Variants in TMEM43 observed in about 807,000 individuals in gnomAD.
TMEM43 encodes transmembrane protein 43.
TMEM43 carries 45 observed loss-of-function variants against 49.6 expected under a neutral mutation model. The observed-to-expected ratio is 0.91, with a 90% CI of 0.71 to 1.16. The LOEUF (loss-of-function observed/expected upper bound fraction) is 1.16. Among genes scored for constraint, TMEM43 ranks in the 50% most tolerant of loss-of-function variants. The pLI, the probability that TMEM43 is intolerant of heterozygous loss-of-function variation, is 0.00. For synonymous variants in TMEM43, 199 were observed against 207.8 expected, an observed-to-expected ratio of 0.96 and a Z score of 0.36; for missense variants, 532 against 516.6, an observed-to-expected ratio of 1.03 and a Z score of -0.29.
At position 14,141,634 on chromosome 3, in the gene TMEM43, C is replaced by G. The variant is rs769793469; in HGVS notation, c.1042C>G (p.Leu348Val). 7.4e-6 allele frequency: 12 copies of G among 1,614,090 alleles called. No homozygotes were observed. The highest frequency in any genetic ancestry group is 1.6e-4 in the Middle Eastern group (1 of 6,084). The change falls in exon 12 of 12, where the codon CTG becomes GTG. Residue 348 changes from leucine to valine, a missense_variant. Leu to Val is a conservative substitution (Grantham distance 32). Coordinates refer to ENST00000306077, the MANE Select transcript of TMEM43 (RefSeq NM_024334.3). ...PVFRDLVNIGLKAFAFCVATS... is the reference protein window; with the variant it reads ...PVFRDLVNIGVKAFAFCVATS... ...TTTCCGAGACCTGGTCAACATTGGCCTGAAAGCCTTTGCCTTCTGTGTGGC... is the reference window on the plus strand; with the variant it reads ...TTTCCGAGACCTGGTCAACATTGGCGTGAAAGCCTTTGCCTTCTGTGTGGC...
Position 14,141,886 on chromosome 3 carries a change from C to T in TMEM43, c.*91C>T, listed in dbSNP as rs757029755. ...CCCAGCTCCATGCCAGAGCAGGAGC[C>T]CCGGTCAATTTTGGACTCTGCACTC... On this transcript the variant is annotated 3_prime_UTR_variant, in exon 12 of 12. Coordinates refer to ENST00000306077, the MANE Select transcript of TMEM43 (RefSeq NM_024334.3). 1.7e-5 allele frequency: 24 copies of T among 1,382,080 alleles called. No individual in the cohort carries two copies. The highest frequency in any genetic ancestry group is 2.3e-5 in the Non-Finnish European group (23 of 1,015,732). 85.6% of individuals were successfully genotyped at this position (1,382,080 alleles called of 1,614,324 possible).
intron 9 of TMEM43, among the ~76,000 whole-genome samples, chr3:14,135,550 G>A (rs1444893414): frequency 2.6e-5 from 4 of 152,204 alleles, no homozygotes; most frequent in African/African-American, 9.7e-5. Flanking sequence ...TGCGTTCCTG[G>A]CCTATGTGCA....
At chr3:14,130,061 GTCTC>G (rs1047293510) in intron 2 of TMEM43, among the ~76,000 whole-genome samples, 16 of 104,188 alleles carry the variant, frequency 1.5e-4, no homozygotes, top group African/African-American at 3.8e-4. Flanking sequence ...TCCTTCCTTT[GTCTC>G]TCTCTTTCTC....
intron 1 of TMEM43, 55 bp from the exon 2 acceptor site, chr3:14,129,357 T>C: frequency 7.6e-7 from 1 of 1,309,012 alleles, no homozygotes; most frequent in Admixed American, 2.3e-5. Flanking sequence ...AAATAGCAAA[T>C]TTAATTTATT....
rs1469157177 is a variant in TMEM43 at position 14,130,967 on chromosome 3, CAG to C, written c.297+12_297+13del. 3 of 1,606,292 alleles carry C rather than the reference CAG, an allele frequency of 1.9e-6. No homozygotes were observed. In the African/African-American group the frequency reaches 4.0e-5, roughly 21 times the overall value. On this transcript the variant is annotated intron_variant, in intron 3 of 11. Coordinates refer to ENST00000306077, the MANE Select transcript of TMEM43 (RefSeq NM_024334.3). ...TTACGGACATCCAAGGTAGGTTTGG[CAG>C]GGGATGCTGACCTGCCAGTGGCTCG...
chr3:14,132,503 G>C, intron 4 of TMEM43, 43 bp from the exon 5 acceptor site: 2 of 1,611,860 alleles, frequency 1.2e-6, no homozygotes, highest in Non-Finnish European at 1.7e-6. Flanking sequence ...GACTGCCTGG[G>C]GCGACGAGGC....
intron 2 of TMEM43, among the ~76,000 whole-genome samples, chr3:14,129,823 G>T (rs1373237289): frequency 1.3e-5 from 2 of 152,148 alleles, no homozygotes; most frequent in Non-Finnish European, 2.9e-5. Context: ...AGGTGTTCAT[G>T]CTGGGTCACC....
intron 1 of TMEM43, chr3:14,128,943 A>G (rs1160454878): frequency 4.4e-6 from 2 of 456,518 alleles, no homozygotes; most frequent in African/African-American, 4.0e-5. Context: ...CTACTCAGCC[A>G]TGAAAAGGAA....
At chr3:14,125,291 C>T in intron 1 of TMEM43, 86 bp downstream of exon 1, 4 of 1,492,110 alleles carry the variant, frequency 2.7e-6, no homozygotes, top group Non-Finnish European at 3.6e-6. Flanking sequence ...GTCCATTTCG[C>T]CGCCTGGAGC....
intron 7 of TMEM43, among the ~76,000 whole-genome samples, chr3:14,134,298 G>A (rs1352903777): frequency 6.6e-6 from 1 of 152,218 alleles, no homozygotes; most frequent in East Asian, 1.9e-4. Flanking sequence ...AGTAACCCTG[G>A]GGCTCTGTTC....
chr3:14,125,916 C>T (rs948739222), intron 1 of TMEM43, among the ~76,000 whole-genome samples: 3 of 152,206 alleles, frequency 2.0e-5, no homozygotes, highest in African/African-American at 4.8e-5. Context: ...CAACAAGCAG[C>T]GCCTCCTACC....
rs1000842802 is a variant in TMEM43 at position 14,142,328 on chromosome 3, C to T, written c.*533C>T. The stretch of plus-strand genomic sequence containing the variant: ...CCCCTCAAAGCAGGCACACCCAAAA[C>T]ACAAGTCTGTGGCTAGAACCTGATG... On this transcript the variant is annotated 3_prime_UTR_variant, in exon 12 of 12. Coordinates refer to ENST00000306077, the MANE Select transcript of TMEM43 (RefSeq NM_024334.3). The T allele has an allele frequency of 6.0e-6, 1 of 167,150 alleles. No homozygotes were observed. Among genetic ancestry groups the T allele is most frequent in the African/African-American group, 2.4e-5 (1 of 41,872 alleles). The allele number at this position is 167,150 out of a possible 1,614,324, so 10.4% of individuals were successfully genotyped here.
Position 14,142,107 on chromosome 3 carries a change from A to C in TMEM43, c.*312A>C, listed in dbSNP as rs11920099. The C allele has an allele frequency of 0.017, 7,340 of 427,750 alleles. 473 individuals are homozygous for C. Among genetic ancestry groups the C allele is most frequent in the African/African-American group, 0.13 (6,717 of 50,012 alleles). 26.5% of individuals were successfully genotyped at this position (427,750 alleles called of 1,614,324 possible). A position where few individuals can be genotyped will look rare whatever the true frequency, so the allele number is the denominator to read the frequency against. On this transcript the variant is annotated 3_prime_UTR_variant, in exon 12 of 12. Transcript: ENST00000306077. ...GTGGGTACGGCCAGCCACTCAGCCCATTGGCAGCTGACAACGCAGACACGC... is the reference window on the plus strand; with the variant it reads ...GTGGGTACGGCCAGCCACTCAGCCCCTTGGCAGCTGACAACGCAGACACGC...
intron 11 of TMEM43, among the ~76,000 whole-genome samples, chr3:14,140,076 A>T (rs1192802938): frequency 1.3e-5 from 2 of 152,230 alleles, no homozygotes; most frequent in Non-Finnish European, 2.9e-5. Context: ...TGCACAAGTC[A>T]GAAGAGGTCT....
chr3:14,128,354 C>G (rs1695045945), intron 1 of TMEM43, among the ~76,000 whole-genome samples: 2 of 152,218 alleles, frequency 1.3e-5, no homozygotes, highest in African/African-American at 4.8e-5. Flanking sequence ...CTCCACTGCT[C>G]CCACCCAGCC....
intron 1 of TMEM43, among the ~76,000 whole-genome samples, chr3:14,126,632 A>G (rs1205744822): frequency 3.9e-5 from 6 of 152,206 alleles, no homozygotes; most frequent in Non-Finnish European, 5.9e-5. Context: ...TAGGTACTTA[A>G]TACTTGAAAA....
intron 2 of TMEM43, 51 bp downstream of exon 2, chr3:14,129,612 G>A: frequency 6.2e-7 from 1 of 1,606,446 alleles, no homozygotes; most frequent in Non-Finnish European, 8.5e-7. Context: ...CACCATGTCA[G>A]AGAGCAAAGG....
At chr3:14,127,913 C>T (rs1695040209) in intron 1 of TMEM43, among the ~76,000 whole-genome samples, 1 of 152,202 alleles carries the variant, frequency 6.6e-6, no homozygotes, top group Non-Finnish European at 1.5e-5. Context: ...CTTAGCTGGG[C>T]CCCACTTTAC....
intron 3 of TMEM43, 83 bp downstream of exon 3, chr3:14,131,039 G>C: frequency 6.5e-7 from 1 of 1,533,556 alleles, no homozygotes; most frequent in East Asian, 2.3e-5. Flanking sequence ...GAAAGCATGG[G>C]CCTTGGAGAT....
Sources: allele counts gnomAD v4.1 joint callset (sites outside exome capture counted in the v4.1 genomes callset), GRCh38; gene constraint gnomAD v4.1.1; transcripts MANE v1.5; gene names NCBI Gene and HGNC (gene_info 2026-07-23, HGNC 2026-07-21).